RAD51B: variants seen among roughly 807,000 people sequenced by gnomAD.
RAD51B encodes DNA repair protein RAD51 homolog 2.
Under a neutral mutation model 42.2 loss-of-function variants are expected in RAD51B, and 38 were observed. The ratio of observed to expected loss-of-function variants is 0.90; its 90% CI spans 0.70 to 1.18. The LOEUF (loss-of-function observed/expected upper bound fraction) is 1.18, where lower values mean the gene tolerates loss of function less well. RAD51B is among the 50% of genes most tolerant of loss of function. The pLI, the probability that RAD51B is intolerant of heterozygous loss-of-function variation, is 0.00. For synonymous variants in RAD51B, 154 were observed against 145.2 expected (o/e 1.06, Z -0.43); for missense variants, 373 against 400.7 (o/e 0.93, Z 0.59).
intron 7 of RAD51B, among the ~76,000 whole-genome samples, chr14:67,921,506 G>C (rs908383630): frequency 6.7e-6 from 1 of 150,334 alleles, no homozygotes; most frequent in Admixed American, 6.6e-5. Context: ...CCTTTGGCAT[G>C]TATTAATGAA....
At chr14:68,169,167 CT>C (rs1257078823) in intron 7 of RAD51B, among the ~76,000 whole-genome samples, 9 of 152,138 alleles carry the variant, frequency 5.9e-5, no homozygotes, top group Non-Finnish European at 1.3e-4. Flanking sequence ...TTCTTTTAAT[CT>C]GAGGCTTTCT....
chr14:67,885,292 C>T (rs1475668513), intron 5 of RAD51B, among the ~76,000 whole-genome samples: 1 of 152,088 alleles, frequency 6.6e-6, no homozygotes, highest in East Asian at 1.9e-4. Context: ...ATTAAACTGG[C>T]TTTGAGGCCA....
At chr14:68,177,434 A>G (rs1378296329) in intron 7 of RAD51B, among the ~76,000 whole-genome samples, 2 of 152,130 alleles carry the variant, frequency 1.3e-5, no homozygotes, top group African/African-American at 4.8e-5. Flanking sequence ...TACATGCTTT[A>G]CTGATTTCCA....
At chr14:67,974,412 G>A (rs1366362714) in intron 7 of RAD51B, among the ~76,000 whole-genome samples, 1 of 152,048 alleles carries the variant, frequency 6.6e-6, no homozygotes, top group Non-Finnish European at 1.5e-5. Flanking sequence ...ACTAGATATT[G>A]ATCTATGTAC....
At chr14:68,522,195 G>C (rs2140332297) in intron 10 of RAD51B, among the ~76,000 whole-genome samples, 1 of 152,296 alleles carries the variant, frequency 6.6e-6, no homozygotes, top group African/African-American at 2.4e-5. Context: ...CTGGTTCTCT[G>C]AGATAGCTCT....
intron 9 of RAD51B, among the ~76,000 whole-genome samples, chr14:68,438,412 A>C (rs958222295): frequency 2.0e-5 from 3 of 152,124 alleles, no homozygotes; most frequent in Non-Finnish European, 4.4e-5. Flanking sequence ...ACAGGCTGGT[A>C]AAGGAGAAAA....
At chr14:68,012,060 G>A (rs191842031) in intron 7 of RAD51B, among the ~76,000 whole-genome samples, 4 of 152,216 alleles carry the variant, frequency 2.6e-5, no homozygotes, top group Admixed American at 2.6e-4. Flanking sequence ...CTTTCAGACA[G>A]TATCCTAGAC....
intron 8 of RAD51B, among the ~76,000 whole-genome samples, chr14:68,379,193 G>A (rs56086327): frequency 0.099 from 15,004 of 152,082 alleles, 833 homozygotes; most frequent in African/African-American, 0.13. Flanking sequence ...CACCCAGTCC[G>A]GTTCCTGGTA....
At chr14:68,373,538 A>C (rs1322768319) in intron 8 of RAD51B, among the ~76,000 whole-genome samples, 1 of 152,178 alleles carries the variant, frequency 6.6e-6, no homozygotes, top group Non-Finnish European at 1.5e-5. Context: ...CAAACACTGC[A>C]TGTTCTCAGT....
intron 7 of RAD51B, among the ~76,000 whole-genome samples, chr14:68,208,315 G>C (rs2079635857): frequency 6.6e-6 from 1 of 152,160 alleles, no homozygotes; most frequent in Non-Finnish European, 1.5e-5. Flanking sequence ...GTTGTGTTGT[G>C]CCTGCTGGGC....
At chr14:68,058,917 T>C (rs577166797) in intron 7 of RAD51B, among the ~76,000 whole-genome samples, 1 of 152,334 alleles carries the variant, frequency 6.6e-6, no homozygotes, top group Admixed American at 6.5e-5. Context: ...TGAAGATATT[T>C]CAAGGGCCAG....
At chr14:68,354,748 C>A (rs1436680241) in intron 8 of RAD51B, among the ~76,000 whole-genome samples, 2 of 151,656 alleles carry the variant, frequency 1.3e-5, no homozygotes, top group African/African-American at 4.8e-5. Context: ...TATTAAGAAT[C>A]CAAAGAGTTT....
At chr14:68,603,240 A>G (rs1891297339) in intron 10 of RAD51B, among the ~76,000 whole-genome samples, 2 of 152,158 alleles carry the variant, frequency 1.3e-5, no homozygotes, top group African/African-American at 2.4e-5. Context: ...CCTATATCAA[A>G]TTTACCTGAA....
chr14:68,566,629 C>T (rs1221984325), intron 10 of RAD51B, among the ~76,000 whole-genome samples: 1 of 152,188 alleles, frequency 6.6e-6, no homozygotes, highest in Non-Finnish European at 1.5e-5. Flanking sequence ...CCAGGGCTCA[C>T]AGCATACACC....
At chr14:68,067,684 G>T (rs997816089) in intron 7 of RAD51B, among the ~76,000 whole-genome samples, 3 of 151,708 alleles carry the variant, frequency 2.0e-5, no homozygotes, top group African/African-American at 7.3e-5. Context: ...CGTATTTAAA[G>T]TGACATATTT....
chr14:68,395,861 A>G (rs941955365), intron 8 of RAD51B, among the ~76,000 whole-genome samples: 5 of 152,204 alleles, frequency 3.3e-5, no homozygotes, highest in Non-Finnish European at 5.9e-5. Context: ...TGACAGAATC[A>G]TTTACTTCAA....
chr14:68,149,003 G>A (rs996843510), intron 7 of RAD51B, among the ~76,000 whole-genome samples: 2 of 152,152 alleles, frequency 1.3e-5, no homozygotes, highest in Admixed American at 6.5e-5. Context: ...AGTGGTATCT[G>A]TGTTACTTCT....
chr14:67,855,187 C>T (rs113267666), intron 4 of RAD51B, among the ~76,000 whole-genome samples: 9,930 of 151,804 alleles, frequency 0.065, 983 homozygotes, highest in African/African-American at 0.22. Context: ...CATGAACCAC[C>T]GCGCCTGGCC....
At chr14:68,089,795 C>A (rs898535310) in intron 7 of RAD51B, among the ~76,000 whole-genome samples, 1 of 152,136 alleles carries the variant, frequency 6.6e-6, no homozygotes, top group Non-Finnish European at 1.5e-5. Context: ...AATTACACTT[C>A]AAGATAGTAG....
Sources: allele counts gnomAD v4.1 joint callset (sites outside exome capture counted in the v4.1 genomes callset), GRCh38; gene constraint gnomAD v4.1.1; transcripts MANE v1.5; gene names NCBI Gene and HGNC (gene_info 2026-07-23, HGNC 2026-07-21).